The following TMED3 variants were observed in gnomAD, a reference collection of about 807,000 sequenced individuals.
TMED3 encodes transmembrane emp24 domain-containing protein 3.
TMED3 carries 9 observed loss-of-function variants against 15.0 expected under a neutral mutation model. The ratio of observed to expected loss-of-function variants is 0.60; its 90% CI spans 0.36 to 1.04. The LOEUF (loss-of-function observed/expected upper bound fraction) is 1.04. Among genes scored for constraint, TMED3 ranks in the 50% least tolerant of loss-of-function variants. The pLI is 0.01. For missense variants in TMED3, 267 were observed against 278.9 expected (o/e 0.96, Z 0.30); for synonymous variants, 117 against 121.4 (o/e 0.96, Z 0.24).
At chr15:79,410,013 T>C (rs906647218) in intron 2 of TMED3, among the ~76,000 whole-genome samples, 1 of 152,130 alleles carries the variant, frequency 6.6e-6, no homozygotes, top group Non-Finnish European at 1.5e-5. Flanking sequence ...GTATACTAGA[T>C]TGGATTGGTA....
At chr15:79,359,995 A>G (rs865953509) in intron 2 of TMED3, among the ~76,000 whole-genome samples, 56 of 152,206 alleles carry the variant, frequency 3.7e-4, no homozygotes, top group Middle Eastern at 3.2e-3. Flanking sequence ...GTACTTTACT[A>G]TGTTATACTC....
intron 2 of TMED3, among the ~76,000 whole-genome samples, chr15:79,392,872 C>G (rs567044084): frequency 6.6e-6 from 1 of 152,200 alleles, no homozygotes; most frequent in Non-Finnish European, 1.5e-5. Flanking sequence ...AAGCTAAAGG[C>G]TGTACAAGAG....
chr15:79,365,671 G>A (rs910792398), intron 2 of TMED3, among the ~76,000 whole-genome samples: 2 of 152,210 alleles, frequency 1.3e-5, no homozygotes, highest in African/African-American at 2.4e-5. Flanking sequence ...GTAAGATAAG[G>A]TGAACGTAGA....
exon 3 of TMED3, chr15:79,411,737 C>G: frequency 2.1e-6 from 1 of 473,298 alleles, no homozygotes; most frequent in Non-Finnish European, 3.9e-6. Flanking sequence ...CTTGAGCTGG[C>G]AGGGAGAGTT....
At chr15:79,335,108 A>G (rs967839204) in intron 2 of TMED3, among the ~76,000 whole-genome samples, 1 of 152,254 alleles carries the variant, frequency 6.6e-6, no homozygotes, top group Non-Finnish European at 1.5e-5. Flanking sequence ...GATATCCATC[A>G]TGCAGGTAAT....
intron 2 of TMED3, among the ~76,000 whole-genome samples, chr15:79,398,902 TTTTGTTTG>T (rs900937073): frequency 6.6e-6 from 1 of 152,136 alleles, no homozygotes; most frequent in Non-Finnish European, 1.5e-5. Context: ...TTTAAATGTT[TTTTGTTTG>T]TTTGTTTGTT....
chr15:79,342,341 G>C (rs1231488929), intron 2 of TMED3, among the ~76,000 whole-genome samples: 1 of 152,142 alleles, frequency 6.6e-6, no homozygotes, highest in Non-Finnish European at 1.5e-5. Context: ...CAAATTTGAA[G>C]AAGGGTTGGC....
chr15:79,376,091 G>GGTTTT (rs1893419247), intron 2 of TMED3, among the ~76,000 whole-genome samples: 1 of 118,842 alleles, frequency 8.4e-6, no homozygotes, highest in Non-Finnish European at 1.7e-5. Flanking sequence ...TCTAGAGAAA[G>GGTTTT]GTTTTTTTTT....
chr15:79,380,424 AGT>A (rs1491163575), intron 2 of TMED3, among the ~76,000 whole-genome samples: 8 of 142,128 alleles, frequency 5.6e-5, no homozygotes, highest in Admixed American at 1.4e-4. Context: ...AGTTATATAT[AGT>A]TATATATATA....
Position 79,315,746 on chromosome 15 carries a change from C to T in TMED3, c.417+1741C>T, listed in dbSNP as rs569174146. ...CCGTTTCCTTCCACTTCTCTTACCC[C>T]GCCACCTTGAACCATCTGTGCCTGC... On this transcript the variant is annotated intron_variant, in intron 2 of 2. Coordinates refer to ENST00000299705, the MANE Select transcript of TMED3 (RefSeq NM_007364.4). Among the ~76,000 whole-genome samples the T allele has an allele frequency of 5.9e-5, 9 of 152,322 alleles. No individual in the cohort carries two copies. In the South Asian group the frequency reaches 1.2e-3, roughly 21 times the overall value.
chr15:79,332,107 G>T (rs2141223992), intron 2 of TMED3, among the ~76,000 whole-genome samples: 1 of 152,214 alleles, frequency 6.6e-6, no homozygotes, highest in African/African-American at 2.4e-5. Flanking sequence ...ACTTTCCAGG[G>T]AAATAACCAA....
chr15:79,379,748 A>G (rs546647037), intron 2 of TMED3, among the ~76,000 whole-genome samples: 1 of 152,212 alleles, frequency 6.6e-6, no homozygotes, highest in African/African-American at 2.4e-5. Context: ...TACTGATCAA[A>G]CTTTCCTTAT....
Position 79,311,270 on chromosome 15 carries a change from C to G in TMED3, c.21C>G (p.Arg7=), listed in dbSNP as rs1162429721. 6.2e-7 allele frequency: 1 copy of G among 1,603,726 alleles called. No individual in the cohort carries two copies. The highest frequency in any genetic ancestry group is 1.3e-5 in the African/African-American group (1 of 74,526). The change falls in exon 1 of 3, where the codon CGC becomes CGG. Residue 7 remains arginine (R), a synonymous_variant. Coordinates refer to ENST00000299705, the MANE Select transcript of TMED3 (RefSeq NM_007364.4). The part of the protein sequence containing the change: MGSTVP[R]SASVLLLLLL... The stretch of plus-strand genomic sequence containing the variant: ...GCATCATGGGCAGCACTGTCCCGCG[C>G]TCCGCCTCCGTGCTGCTTCTGCTGC...
chr15:79,404,912 C>T (rs1168752670), intron 2 of TMED3, among the ~76,000 whole-genome samples: 1 of 152,176 alleles, frequency 6.6e-6, no homozygotes, highest in Admixed American at 6.5e-5. Flanking sequence ...AGTTTTTCCT[C>T]CTCTATCTGT....
At chr15:79,369,944 A>C (rs1893305152) in intron 2 of TMED3, among the ~76,000 whole-genome samples, 1 of 152,204 alleles carries the variant, frequency 6.6e-6, no homozygotes, top group Non-Finnish European at 1.5e-5. Flanking sequence ...ATTCTGCTCA[A>C]GCAGGGCAGA....
At chr15:79,377,688 C>T (rs1317720946) in intron 2 of TMED3, among the ~76,000 whole-genome samples, 1 of 147,586 alleles carries the variant, frequency 6.8e-6, no homozygotes, top group Non-Finnish European at 1.5e-5. Flanking sequence ...CGCTCTTTCG[C>T]CCAGGCCAGA....
intron 2 of TMED3, among the ~76,000 whole-genome samples, chr15:79,409,336 G>A (rs1893941623): frequency 6.6e-6 from 1 of 152,136 alleles, no homozygotes; most frequent in Admixed American, 6.5e-5. Context: ...AATTTCTATA[G>A]ATAAAACCAT....
intron 2 of TMED3, among the ~76,000 whole-genome samples, chr15:79,407,138 C>G (rs1341492831): frequency 6.6e-6 from 1 of 152,214 alleles, no homozygotes; most frequent in Non-Finnish European, 1.5e-5. Context: ...GACTCTTCCT[C>G]TATATGCTGC....
At chr15:79,353,160 T>G (rs60944404) in intron 2 of TMED3, among the ~76,000 whole-genome samples, 9,803 of 51,190 alleles carry the variant, frequency 0.19, 813 homozygotes, top group Admixed American at 0.26. Context: ...AAAATATATA[T>G]AAATATATAT....
Sources: gnomAD v4.1 joint callset for allele counts (sites outside exome capture counted in the v4.1 genomes callset) on GRCh38, gnomAD v4.1.1 for gene constraint, MANE v1.5 for transcripts, NCBI Gene and HGNC (gene_info 2026-07-23, HGNC 2026-07-21) for gene names.